DYRK2: variants seen among roughly 807,000 people sequenced by gnomAD.
DYRK2 encodes the protein dual specificity tyrosine-phosphorylation-regulated kinase 2.
In DYRK2, 12 loss-of-function variants were observed where a neutral mutation model predicts 41.6. The observed-to-expected ratio is 0.29, with a 90% confidence interval of 0.18 to 0.47. The LOEUF (loss-of-function observed/expected upper bound fraction) is 0.47, where lower values mean the gene tolerates loss of function less well. Ranked by LOEUF, DYRK2 falls within the 20% of genes least tolerant of loss-of-function variation. The pLI is 1.00. For synonymous variants in DYRK2, 322 were observed against 315.7 expected, an observed-to-expected ratio of 1.02 and a Z score of -0.21; for missense variants, 678 against 798.4, an observed-to-expected ratio of 0.85 and a Z score of 1.82.
chr12:67,658,491 G>T lies in DYRK2; in HGVS notation c.1584G>T (p.Gln528His), dbSNP rs776854870. Residue 528 changes from glutamine to histidine, a missense_variant, in exon 3 of 3, where the codon CAG becomes CAT. Around this residue, in one of 2 missense-constraint regions of DYRK2, gnomAD observed 393 missense variants for 519.1 expected, o/e 0.76. Coordinates refer to ENST00000344096, the MANE Select transcript of DYRK2 (RefSeq NM_006482.3). This position sits in a 1 kb window ranked among gnomAD's most constrained non-coding sequence, Gnocchi z 4.3. ...CTGCAGTGCGCATGACCCCAGGCCA[G>T]GCTTTGCGGCACCCCTGGCTGAGGA... ...WDPAVRMTPG[Q>H]ALRHPWLRRR... 1 of 1,609,432 alleles carries T rather than the reference G, an allele frequency of 6.2e-7. No individual in the cohort carries two copies. Among genetic ancestry groups the T allele is most frequent in the Non-Finnish European group, 8.5e-7 (1 of 1,177,766 alleles).
intron 2 of DYRK2, among the ~76,000 whole-genome samples, chr12:67,655,109 TATTAA>T (rs779237548): frequency 7.2e-5 from 11 of 152,330 alleles, no homozygotes; most frequent in South Asian, 2.1e-4. Flanking sequence ...TGTGATCATG[TATTAA>T]ATTATGCGAA....
At chr12:67,652,165 CTT>C (rs1872340786) in intron 2 of DYRK2, among the ~76,000 whole-genome samples, 1 of 152,048 alleles carries the variant, frequency 6.6e-6, no homozygotes. Flanking sequence ...AGATTATAAA[CTT>C]TGGAATTTAT....
chr12:67,664,895 ATTCT>A lies in DYRK2; in HGVS notation c.*6185_*6188del, dbSNP rs1050323840. The A allele has an allele frequency of 3.3e-5, 5 of 152,150 alleles. No individual in the cohort carries two copies. Among genetic ancestry groups the A allele is most frequent in the South Asian group, 2.1e-4 (1 of 4,828 alleles). 9.4% of individuals were successfully genotyped at this position (152,150 alleles called of 1,614,324 possible). On this transcript the variant is annotated 3_prime_UTR_variant, in exon 3 of 3. Coordinates refer to ENST00000344096, the MANE Select transcript of DYRK2 (RefSeq NM_006482.3). ...TGGAGAGGCTAATTATAGTAGCTTC[ATTCT>A]TTATTTTCTGTGTTCTTAAATTTTT... is the stretch of plus-strand genomic sequence containing the variant.
chr12:67,659,538 G>T lies in DYRK2; in HGVS notation c.*825G>T, dbSNP rs1872570918. The T allele has an allele frequency of 6.0e-6, 1 of 166,858 alleles. No individual in the cohort carries two copies. The highest frequency in any genetic ancestry group is 2.4e-5 in the African/African-American group (1 of 41,350). The allele number at this position is 166,858 out of a possible 1,614,324, so 10.3% of individuals were successfully genotyped here. The stretch of plus-strand genomic sequence containing the variant: ...GTTCCTCTTTTAATACCACACGTCT[G>T]TTGCTTGCATTTAGTTTGTCTTCTT... On this transcript the variant is annotated 3_prime_UTR_variant, in exon 3 of 3. Coordinates refer to ENST00000344096, the MANE Select transcript of DYRK2 (RefSeq NM_006482.3).
At chr12:67,649,737 G>C (rs1227214269) in intron 1 of DYRK2, 60 bp from the exon 2 acceptor site, 4 of 1,297,780 alleles carry the variant, frequency 3.1e-6, no homozygotes, top group East Asian at 2.8e-5. Flanking sequence ...TTGGAGGGGG[G>C]GTCTGGGTGA....
At chr12:67,652,933 G>T (rs988723584) in intron 2 of DYRK2, among the ~76,000 whole-genome samples, 1 of 152,082 alleles carries the variant, frequency 6.6e-6, no homozygotes, top group Non-Finnish European at 1.5e-5. Context: ...GGGTTCAAGC[G>T]ATTCTCTTGC....
intron 2 of DYRK2, chr12:67,651,381 A>G (rs935367376): frequency 2.9e-5 from 9 of 309,154 alleles, no homozygotes; most frequent in African/African-American, 8.9e-5. Context: ...AAAAAGAACT[A>G]TTTGGTTTGC....
In DYRK2 at chr12:67,657,436, A is replaced by G; in HGVS notation, c.529A>G (p.Ser177Gly). The part of the protein sequence containing the change: ...LTAFEHHEIF[S>G]YPEIYFLGLN... Reference sequence around the variant, plus strand: ...AGCCTTCGAACACCATGAGATTTTCAGCTACCCTGAAATATATTTCTTGGG... The same window carrying G: ...AGCCTTCGAACACCATGAGATTTTCGGCTACCCTGAAATATATTTCTTGGG... The change falls in exon 3 of 3, where the codon AGC becomes GGC. Residue 177 changes from serine to glycine, a missense_variant. By Grantham distance (56) the Ser-to-Gly change is moderately conservative (BLOSUM62 0). This residue lies in a region of DYRK2 where 285 missense variants were observed against 279.2 expected (regional missense o/e 1.02). Coordinates refer to ENST00000344096, the MANE Select transcript of DYRK2 (RefSeq NM_006482.3). This position sits in a 1 kb window ranked among gnomAD's most constrained non-coding sequence, Gnocchi z 4.8. The G allele has an allele frequency of 1.2e-6, 2 of 1,614,202 alleles. No individual in the cohort carries two copies. The highest frequency in any genetic ancestry group is 2.2e-5 in the South Asian group (2 of 91,082).
rs777145046 is a variant in DYRK2, at chr12:67,649,086, C to A, written c.-48C>A. On this transcript the variant is annotated 5_prime_UTR_variant, in exon 1 of 3. Coordinates refer to ENST00000344096, the MANE Select transcript of DYRK2 (RefSeq NM_006482.3). ...CGGCCGCCAGAAGTAGCAGCAGGAC[C>A]GGCGGCGGCGACGGCAGCCCTGAAA... is the stretch of plus-strand genomic sequence containing the variant. 3 of 1,445,700 alleles carry A rather than the reference C, an allele frequency of 2.1e-6. No homozygotes were observed. Among genetic ancestry groups the A allele is most frequent in the African/African-American group, 3.0e-5 (2 of 67,540 alleles). 89.6% of individuals were successfully genotyped at this position (1,445,700 alleles called of 1,614,324 possible).
Position 67,663,595 on chromosome 12 carries a change from C to A in DYRK2, c.*4882C>A, listed in dbSNP as rs2120861975. 1 of 152,220 alleles carries A rather than the reference C, an allele frequency of 6.6e-6. No homozygotes were observed. The highest frequency in any genetic ancestry group is 6.5e-5 in the Admixed American group (1 of 15,280). 9.4% of individuals were successfully genotyped at this position (152,220 alleles called of 1,614,324 possible). ...CACCCAGTGCAAAAAACCCAATCAG[C>A]AAACTAACCCCAAAATCCAATATAT... On this transcript the variant is annotated 3_prime_UTR_variant, in exon 3 of 3. Transcript: ENST00000344096.
rs1872674377 is a variant in DYRK2 at position 67,663,457 on chromosome 12, G to C, written c.*4744G>C. 1 of 152,042 alleles carries C rather than the reference G, an allele frequency of 6.6e-6. No homozygotes were observed. Among genetic ancestry groups the C allele is most frequent in the Non-Finnish European group, 1.5e-5 (1 of 67,992 alleles). The allele number at this position is 152,042 out of a possible 1,614,324, so 9.4% of individuals were successfully genotyped here. A position where few individuals can be genotyped will look rare whatever the true frequency, so the allele number is the denominator to read the frequency against. On this transcript the variant is annotated 3_prime_UTR_variant, in exon 3 of 3. Transcript: ENST00000344096. ...AAGGAATTACTTAGTGTGGCTCCCT[G>C]CATCAATACTGGGATATGCTTAAAC...
At chr12:67,653,251 T>C (rs1291216957) in intron 2 of DYRK2, among the ~76,000 whole-genome samples, 1 of 152,240 alleles carries the variant, frequency 6.6e-6, no homozygotes, top group African/African-American at 2.4e-5. Flanking sequence ...CTTAAGTTTA[T>C]GATGTAGTCT....
At position 67,648,985 on chromosome 12, in the gene DYRK2, G is replaced by T; in HGVS notation, c.-149G>T. ...CGAGGGGATGCAGTGGACTGTGTGT[G>T]TCTGGCTGTAGCAGACGCGAGGCGG... On this transcript the variant is annotated 5_prime_UTR_variant, in exon 1 of 3. Coordinates refer to ENST00000344096, the MANE Select transcript of DYRK2 (RefSeq NM_006482.3). The T allele has an allele frequency of 3.6e-6, 2 of 562,028 alleles. No individual in the cohort carries two copies. The highest frequency in any genetic ancestry group is 6.7e-5 in the South Asian group (2 of 29,942). 34.8% of individuals were successfully genotyped at this position (562,028 alleles called of 1,614,324 possible).
intron 2 of DYRK2, among the ~76,000 whole-genome samples, chr12:67,650,363 G>C (rs1872284268): frequency 6.6e-6 from 1 of 152,204 alleles, no homozygotes. Context: ...CAGCCAGACC[G>C]GCCTGCCCGG....
At chr12:67,651,090 C>A (rs557399605) in intron 2 of DYRK2, among the ~76,000 whole-genome samples, 34 of 152,240 alleles carry the variant, frequency 2.2e-4, no homozygotes, top group South Asian at 4.1e-4. Context: ...ACTATCTTCC[C>A]CCTCCCTCTG....
In DYRK2 at chr12:67,649,042, G is replaced by A. The variant is rs540086290; in HGVS notation, c.-92G>A. 2.3e-5 allele frequency: 26 copies of A among 1,152,918 alleles called. No homozygotes were observed. The African/African-American group carries it at 4.0e-4, about 18-fold the overall frequency. 71.4% of individuals were successfully genotyped at this position (1,152,918 alleles called of 1,614,324 possible). A position where few individuals can be genotyped will look rare whatever the true frequency, so the allele number is the denominator to read the frequency against. ...GGCGCCGGGGACCCGCGCGAGGGGC[G>A]GCCGGGAGGCGGCGGCGGCGGCCGC... On this transcript the variant is annotated 5_prime_UTR_variant, in exon 1 of 3. Transcript: ENST00000344096.
In DYRK2 at chr12:67,664,035, T is replaced by G. The variant is rs572477829; in HGVS notation, c.*5322T>G. 6.6e-6 allele frequency: 1 copy of G among 152,142 alleles called. No homozygotes were observed. Among genetic ancestry groups the G allele is most frequent in the Non-Finnish European group, 1.5e-5 (1 of 67,960 alleles). 9.4% of individuals were successfully genotyped at this position (152,142 alleles called of 1,614,324 possible). On this transcript the variant is annotated 3_prime_UTR_variant, in exon 3 of 3. Coordinates refer to ENST00000344096, the MANE Select transcript of DYRK2 (RefSeq NM_006482.3). ...TGTGGCTTTCTTTTTTTTTCTTAAGTTTGAATTACACTTGATTTCCTTTGG... is the reference window on the plus strand; with the variant it reads ...TGTGGCTTTCTTTTTTTTTCTTAAGGTTGAATTACACTTGATTTCCTTTGG...
chr12:67,649,656 AC>A, intron 1 of DYRK2, 140 bp from the exon 2 acceptor site: 1 of 979,010 alleles, frequency 1.0e-6, no homozygotes, highest in Non-Finnish European at 1.3e-6. Flanking sequence ...CGTGACCCGA[AC>A]GCCCGTTTTT....
intron 2 of DYRK2, among the ~76,000 whole-genome samples, chr12:67,656,149 C>A (rs535349177): frequency 8.7e-4 from 133 of 152,340 alleles, no homozygotes; most frequent in African/African-American, 3.1e-3. Flanking sequence ...TACCCCTTAC[C>A]TCTCAGCAGC....
Sources: gnomAD v4.1 joint callset for allele counts (sites outside exome capture counted in the v4.1 genomes callset) on GRCh38, gnomAD v4.1.1 for gene constraint, gnomAD v4.1.1 regional missense constraint, Gnocchi (gnomAD v3.1) non-coding constraint, MANE v1.5 for transcripts, NCBI Gene and HGNC (gene_info 2026-07-23, HGNC 2026-07-21) for gene names.